Variants in CD6 observed in about 807,000 individuals in gnomAD.
CD6 encodes CD6 molecule.
In CD6, 53 loss-of-function variants were observed where a neutral mutation model predicts 75.3. The observed-to-expected ratio is 0.70, with a 90% CI of 0.56 to 0.88. CD6 has a LOEUF of 0.88. Among genes scored for constraint, CD6 ranks in the 40% least tolerant of loss-of-function variants. CD6 has a pLI of 0.00. For missense variants in CD6, 770 were observed against 897.1 expected (o/e 0.86, Z 1.81); for synonymous variants, 359 against 381.5 (o/e 0.94, Z 0.69).
chr11:60,994,071 C>A (rs1041139750), intron 1 of CD6, among the ~76,000 whole-genome samples: 3 of 152,112 alleles, frequency 2.0e-5, no homozygotes, highest in Admixed American at 2.0e-4. Context: ...GGAGATGAAA[C>A]CTGGGCATGC....
chr11:61,010,359 C>G (rs563455597), intron 5 of CD6, among the ~76,000 whole-genome samples: 10 of 152,262 alleles, frequency 6.6e-5, no homozygotes, highest in Non-Finnish European at 2.9e-5. Context: ...TTGTTTATGT[C>G]ACACCATTAT....
intron 1 of CD6, among the ~76,000 whole-genome samples, chr11:60,983,934 T>C (rs1857689467): frequency 1.3e-5 from 2 of 152,194 alleles, no homozygotes; most frequent in South Asian, 4.1e-4. Context: ...CTGGGTTGTC[T>C]GATGGTTCTT....
At chr11:60,978,755 T>C (rs767754107) in intron 1 of CD6, among the ~76,000 whole-genome samples, 1 of 152,032 alleles carries the variant, frequency 6.6e-6, no homozygotes, top group South Asian at 2.1e-4. Context: ...GACCCCGGAG[T>C]CAGGCAGACG....
At chr11:61,016,254 A>G (rs994291498) in intron 9 of CD6, among the ~76,000 whole-genome samples, 2 of 151,258 alleles carry the variant, frequency 1.3e-5, no homozygotes, top group Non-Finnish European at 1.5e-5. Flanking sequence ...TCACTTCCTC[A>G]CCTCCACGCT....
intron 1 of CD6, among the ~76,000 whole-genome samples, chr11:60,990,155 A>C (rs1858003607): frequency 6.6e-6 from 1 of 152,200 alleles, no homozygotes; most frequent in Non-Finnish European, 1.5e-5. Flanking sequence ...CTCTTGTAGA[A>C]TCTTCCAGAC....
chr11:60,989,822 G>T (rs77456731), intron 1 of CD6, among the ~76,000 whole-genome samples: 2 of 152,026 alleles, frequency 1.3e-5, no homozygotes, highest in African/African-American at 2.4e-5. Flanking sequence ...ACATTTCCCC[G>T]CCTGCACGAT....
At chr11:60,978,139 A>G (rs1565140158) in intron 1 of CD6, among the ~76,000 whole-genome samples, 1 of 152,246 alleles carries the variant, frequency 6.6e-6, no homozygotes, top group Non-Finnish European at 1.5e-5. Context: ...ATGCCAAGTC[A>G]ATGACCACCT....
intron 1 of CD6, among the ~76,000 whole-genome samples, chr11:60,999,336 C>T (rs753555665): frequency 2.4e-4 from 36 of 150,006 alleles, no homozygotes; most frequent in Non-Finnish European, 4.4e-4. Flanking sequence ...TCTAGTGAGC[C>T]GATGGTTGTC....
chr11:60,998,797 T>A (rs1858426966), intron 1 of CD6, among the ~76,000 whole-genome samples: 2 of 151,956 alleles, frequency 1.3e-5, no homozygotes, highest in Non-Finnish European at 2.9e-5. Flanking sequence ...TTGGGGACTT[T>A]TAATTTTTAT....
Position 61,013,878 on chromosome 11 carries a change from C to CA in CD6, c.1292-34dup, listed in dbSNP as rs549973863. The CA allele has an allele frequency of 1.6e-4, 230 of 1,449,170 alleles. No individual in the cohort carries two copies. The East Asian group carries it at 5.0e-3, about 32-fold the overall frequency. The allele number at this position is 1,449,170 out of a possible 1,614,324, so 89.8% of individuals were successfully genotyped here. ...CGGAACCAGGTAGACTGGGAGAGGG[C>CA]AAAAAAATGACTTGTAGAATTTCTG... On this transcript the variant is annotated intron_variant, in intron 7 of 12. Transcript: ENST00000313421.
At chr11:60,996,829 C>G (rs1219430616) in intron 1 of CD6, among the ~76,000 whole-genome samples, 1 of 152,170 alleles carries the variant, frequency 6.6e-6, no homozygotes, top group African/African-American at 2.4e-5. Context: ...TTCCTTTGGG[C>G]CGCAGATTTT....
In CD6 at chr11:61,008,733, C is replaced by T; in HGVS notation, c.669C>T (p.Ile223=). The change falls in exon 4 of 13, where the codon ATC becomes ATT. Residue 223 remains isoleucine, a synonymous_variant. Coordinates refer to ENST00000313421, the MANE Select transcript of CD6 (RefSeq NM_006725.5). ...ACTTCACGCCCGGCCGCGGGCCTAT[C>T]CACCGGGACCAGGTGAACTGCTCGG... ...GLHFTPGRGP[I]HRDQVNCSGA... 6.2e-7 allele frequency: 1 copy of T among 1,608,346 alleles called. No individual in the cohort carries two copies. Among genetic ancestry groups the T allele is most frequent in the Non-Finnish European group, 8.5e-7 (1 of 1,177,448 alleles).
At chr11:60,980,551 G>A (rs906513413) in intron 1 of CD6, among the ~76,000 whole-genome samples, 1 of 152,090 alleles carries the variant, frequency 6.6e-6, no homozygotes, top group Admixed American at 6.5e-5. Context: ...TTTGAAGGCC[G>A]GGTGCAGTGG....
intron 1 of CD6, among the ~76,000 whole-genome samples, chr11:60,982,088 A>G (rs773223233): frequency 0.035 from 2,449 of 69,810 alleles, 61 homozygotes; most frequent in Middle Eastern, 0.15. Flanking sequence ...GGTTCTGTGC[A>G]TGGGGCTGGG....
chr11:60,997,585 T>C (rs1858366380), intron 1 of CD6, among the ~76,000 whole-genome samples: 1 of 152,056 alleles, frequency 6.6e-6, no homozygotes, highest in Admixed American at 6.6e-5. Flanking sequence ...TCTTACCAAG[T>C]CTTTGACACA....
At position 61,015,809 on chromosome 11, in the gene CD6, C is replaced by T. The variant is rs1439751439; in HGVS notation, c.1484C>T (p.Pro495Leu). The change falls in exon 9 of 13, where the codon CCT (proline) becomes CTT (leucine). Residue 495 changes from proline (P) to leucine (L), a missense_variant. Coordinates refer to ENST00000313421, the MANE Select transcript of CD6 (RefSeq NM_006725.5). ...GAGCACTATGACTTCAGCGCCCAGC[C>T]TCCTGTGGCCCTGACCACCTTCTAC... ...DYEHYDFSAQ[P>L]PVALTTFYNS... 1.2e-6 allele frequency: 2 copies of T among 1,614,226 alleles called. No individual in the cohort carries two copies. The highest frequency in any genetic ancestry group is 1.6e-4 in the Middle Eastern group (1 of 6,062).
chr11:60,971,831 G>A lies in CD6; in HGVS notation c.-35G>A, dbSNP rs1181091106. ...GGCCCCAAGATGGTGCTTCCCACAG[G>A]CAGCCACGCGTAGCAGCCAGAGACA... On this transcript the variant is annotated 5_prime_UTR_variant, in exon 1 of 13. Coordinates refer to ENST00000313421, the MANE Select transcript of CD6 (RefSeq NM_006725.5). The A allele has an allele frequency of 1.9e-6, 3 of 1,610,276 alleles. No homozygotes were observed. Among genetic ancestry groups the A allele is most frequent in the South Asian group, 1.1e-5 (1 of 90,528 alleles).
chr11:60,982,973 C>T (rs1369795110), intron 1 of CD6, among the ~76,000 whole-genome samples: 1 of 152,050 alleles, frequency 6.6e-6, no homozygotes, highest in African/African-American at 2.4e-5. Context: ...TGTGGCCTGA[C>T]ATGGTCTGAC....
chr11:61,013,294 T>G, intron 6 of CD6, 129 bp from the exon 7 acceptor site: 1 of 1,078,776 alleles, frequency 9.3e-7, no homozygotes. Flanking sequence ...ATGAGAAAAT[T>G]GGAAAAAGGA....
Sources: allele counts gnomAD v4.1 joint callset (sites outside exome capture counted in the v4.1 genomes callset), GRCh38; gene constraint gnomAD v4.1.1; transcripts MANE v1.5; gene names NCBI Gene and HGNC (gene_info 2026-07-23, HGNC 2026-07-21).